Variants in SP110 observed in about 807,000 individuals in gnomAD.
The protein encoded by SP110 is interferon-induced protein 41, 30kD.
Under a neutral mutation model 92.7 loss-of-function variants are expected in SP110, and 62 were observed. That is an observed-to-expected ratio of 0.67 (90% CI 0.55 to 0.83). The LOEUF (loss-of-function observed/expected upper bound fraction) is 0.83. Ranked by LOEUF, SP110 falls within the 40% of genes least tolerant of loss-of-function variation. The probability of loss-of-function intolerance (pLI) is 0.00; values close to 1 mark genes in which losing one functional copy is unlikely to be tolerated. For synonymous variants in SP110, 273 were observed against 305.3 expected, an observed-to-expected ratio of 0.89 and a Z score of 1.10; for missense variants, 793 against 863.9, an observed-to-expected ratio of 0.92 and a Z score of 1.03.
intron 6 of SP110, among the ~76,000 whole-genome samples, chr2:230,210,916 T>C (rs1361250477): frequency 1.3e-5 from 2 of 152,186 alleles, no homozygotes; most frequent in African/African-American, 2.4e-5. Flanking sequence ...AAAGTGAAAA[T>C]TCCCCACAGT....
At chr2:230,200,032 G>C (rs2043061621) in intron 10 of SP110, among the ~76,000 whole-genome samples, 1 of 152,086 alleles carries the variant, frequency 6.6e-6, no homozygotes, top group Non-Finnish European at 1.5e-5. Flanking sequence ...TCTTCTCCAA[G>C]GGTGGTTGTG....
chr2:230,185,997 T>C lies in SP110; in HGVS notation c.1276A>G (p.Lys426Glu). The part of the protein sequence containing the change: ...RTKCARKSRL[K>E]EKKKEKDICS... ...CAGATTCCATCATTAGCCTTACCTT[T>C]CAATCTGGACTTTCGGGCACATTTA... Residue 426 changes from lysine to glutamate, a missense_variant, in exon 11 of 19, where the codon AAA becomes GAA. Lys to Glu is a moderately conservative substitution (Grantham distance 56, BLOSUM62 1). Transcript: ENST00000258381. 1 of 1,614,046 alleles carries C rather than the reference T, an allele frequency of 6.2e-7. No individual in the cohort carries two copies. The highest frequency in any genetic ancestry group is 8.5e-7 in the Non-Finnish European group (1 of 1,179,904).
intron 8 of SP110, among the ~76,000 whole-genome samples, chr2:230,204,498 GC>G (rs1414918566): frequency 1.3e-5 from 2 of 152,020 alleles, no homozygotes; most frequent in Admixed American, 1.3e-4. Context: ...ACCACGTGGT[GC>G]CCATAATGTC....
At chr2:230,214,846 G>C in intron 3 of SP110, 104 bp downstream of exon 3, 1 of 939,736 alleles carries the variant, frequency 1.1e-6, no homozygotes, top group Non-Finnish European at 1.7e-6. Flanking sequence ...ACCCCAGAGA[G>C]AAGGCGGGGG....
upstream of SP110, among the ~76,000 whole-genome samples, chr2:230,222,950 T>A (rs934296778): frequency 6.6e-6 from 1 of 151,534 alleles, no homozygotes. Flanking sequence ...TTGTTGTGGG[T>A]CAGTAATTTA....
intron 10 of SP110, among the ~76,000 whole-genome samples, chr2:230,194,740 C>A (rs1559155597): frequency 6.6e-6 from 1 of 152,198 alleles, no homozygotes; most frequent in Non-Finnish European, 1.5e-5. Flanking sequence ...TTTCTTGTGT[C>A]TATTCTTCTG....
At chr2:230,181,379 C>T (rs991057829) in intron 12 of SP110, among the ~76,000 whole-genome samples, 3 of 152,212 alleles carry the variant, frequency 2.0e-5, no homozygotes, top group African/African-American at 7.2e-5. Flanking sequence ...CACTTACTGA[C>T]CTCACGTGAC....
At chr2:230,189,606 G>A (rs2042517244) in intron 10 of SP110, among the ~76,000 whole-genome samples, 1 of 152,106 alleles carries the variant, frequency 6.6e-6, no homozygotes, top group South Asian at 2.1e-4. Flanking sequence ...GGACACACGT[G>A]CAGAACATGC....
At chr2:230,176,825 C>G in intron 14 of SP110, 7 of 1,211,186 alleles carry the variant, frequency 5.8e-6, no homozygotes, top group Non-Finnish European at 8.5e-6. Context: ...ACCCAGACAT[C>G]ACACTGGATC....
At chr2:230,213,163 T>G in intron 3 of SP110, 136 bp from the exon 4 acceptor site, 1 of 823,400 alleles carries the variant, frequency 1.2e-6, no homozygotes, top group Non-Finnish European at 2.0e-6. Context: ...AGAGAACTGA[T>G]TCATTGTCAT....
chr2:230,203,089 C>T (rs2043345166), intron 8 of SP110: 1 of 322,664 alleles, frequency 3.1e-6, no homozygotes, highest in Admixed American at 4.5e-5. Context: ...TAAAGCACCT[C>T]TCCAGGTTCC....
intron 11 of SP110, among the ~76,000 whole-genome samples, chr2:230,185,007 G>C (rs936866705): frequency 1.3e-5 from 2 of 152,192 alleles, no homozygotes; most frequent in Non-Finnish European, 2.9e-5. Context: ...AGGCAGAGTC[G>C]AGTAGTTGCA....
Position 230,177,634 on chromosome 2 carries a change from T to TGTTG in SP110, c.1493_1494insCAAC (p.Pro499AsnfsTer4). ...TTCCTTCGACTTCAAATTCATTTGG[T>TGTTG]GTTAACCAAGTTCCATCCTCATTCC... is the stretch of plus-strand genomic sequence containing the variant. On this transcript the variant is annotated frameshift_variant, in exon 14 of 19. Transcript: ENST00000258381. LOFTEE classifies it high-confidence loss of function. The TGTTG allele has an allele frequency of 1.2e-6, 2 of 1,614,186 alleles. No homozygotes were observed. The highest frequency in any genetic ancestry group is 1.7e-6 in the Non-Finnish European group (2 of 1,180,000).
At position 230,171,730 on chromosome 2, in the gene SP110, G is replaced by A; in HGVS notation, c.1853C>T (p.Pro618Leu). The change falls in exon 17 of 19, where the codon CCA (proline) becomes CTA (leucine). Residue 618 changes from proline (P) to leucine (L), a missense_variant. By Grantham distance (98) the Pro-to-Leu change is moderately conservative (BLOSUM62 -3). Transcript: ENST00000258381. Reference sequence around the variant, plus strand: ...GATGCCCGTAAAAAAGGAGCTTTGTGGATGACAGTAGGCCTTCAAGAGGAG... The same window carrying A: ...GATGCCCGTAAAAAAGGAGCTTTGTAGATGACAGTAGGCCTTCAAGAGGAG... ...EFLLLKAYCH[P>L]QSSFFTGIPF... 1 of 1,613,726 alleles carries A rather than the reference G, an allele frequency of 6.2e-7. No homozygotes were observed. The highest frequency in any genetic ancestry group is 8.5e-7 in the Non-Finnish European group (1 of 1,179,610).
intron 13 of SP110, 120 bp from the exon 14 acceptor site, chr2:230,177,800 G>A (rs983514337): frequency 1.7e-6 from 2 of 1,153,050 alleles, no homozygotes; most frequent in African/African-American, 1.5e-5. Flanking sequence ...TCTGTGAGGT[G>A]GAAGGAGTAG....
upstream of SP110, among the ~76,000 whole-genome samples, chr2:230,221,400 G>C (rs1354864238): frequency 1.3e-5 from 2 of 152,116 alleles, no homozygotes; most frequent in Admixed American, 6.5e-5. Context: ...AAAGATGGGA[G>C]ACATGGATCT....
chr2:230,193,864 A>G (rs2148806978), intron 10 of SP110, among the ~76,000 whole-genome samples: 1 of 152,364 alleles, frequency 6.6e-6, no homozygotes, highest in East Asian at 1.9e-4. Context: ...AAAATCTTGA[A>G]GCACAGTATT....
At position 230,177,616 on chromosome 2, in the gene SP110, G is replaced by A. The variant is rs547650308; in HGVS notation, c.1512C>T (p.Val504=). Reference sequence around the variant, plus strand: ...TCTTTGCGTTCCTTCCTTTTCCTTCGACTTCAAATTCATTTGGTGTTAACC... The same window carrying A: ...TCTTTGCGTTCCTTCCTTTTCCTTCAACTTCAAATTCATTTGGTGTTAACC... ...GTWLTPNEFE[V]EGKGRNAKNW... Residue 504 remains valine (V), a synonymous_variant, in exon 14 of 19, where the codon GTC becomes GTT. Transcript: ENST00000258381. 40 of 1,613,780 alleles carry A rather than the reference G, an allele frequency of 2.5e-5. No homozygotes were observed. In the South Asian group the frequency reaches 3.4e-4, roughly 14 times the overall value.
chr2:230,184,638 G>C (rs557869615), intron 11 of SP110, among the ~76,000 whole-genome samples: 1 of 151,722 alleles, frequency 6.6e-6, no homozygotes, highest in Non-Finnish European at 1.5e-5. Context: ...TAAGTTCAAA[G>C]ACAGAAACCA....
Sources: allele counts gnomAD v4.1 joint callset (sites outside exome capture counted in the v4.1 genomes callset), GRCh38; gene constraint gnomAD v4.1.1; transcripts MANE v1.5; gene names NCBI Gene and HGNC (gene_info 2026-07-23, HGNC 2026-07-21).